Variants in AGBL1 observed in about 807,000 individuals in gnomAD.
The protein encoded by AGBL1 is cytosolic carboxypeptidase 4.
AGBL1 carries 130 observed loss-of-function variants against 118.9 expected under a neutral mutation model. The observed-to-expected ratio is 1.09, with a 90% CI of 0.95 to 1.26. The LOEUF (loss-of-function observed/expected upper bound fraction) is 1.26. Among genes scored for constraint, AGBL1 ranks in the 50% most tolerant of loss-of-function variants. The pLI is 0.00. For missense variants in AGBL1, 1,584 were observed against 1,298.1 expected, an observed-to-expected ratio of 1.22 and a Z score of -3.38; for synonymous variants, 555 against 478.9, an observed-to-expected ratio of 1.16 and a Z score of -2.08.
chr15:86,269,055 T>C (rs928845289), intron 13 of AGBL1, among the ~76,000 whole-genome samples: 1 of 152,146 alleles, frequency 6.6e-6, no homozygotes, highest in African/African-American at 2.4e-5. Context: ...TCTTTGGAGA[T>C]ATATAGTGAT....
At chr15:86,138,517 C>T (rs2076919340) in intron 1 of AGBL1, 1 of 152,208 alleles carries the variant, frequency 6.6e-6, no homozygotes, top group Non-Finnish European at 1.5e-5. Context: ...TGCTGTCATC[C>T]ATTTTTATCC....
chr15:86,863,550 A>C (rs1054989639), intron 22 of AGBL1, among the ~76,000 whole-genome samples: 1 of 151,920 alleles, frequency 6.6e-6, no homozygotes, highest in Admixed American at 6.6e-5. Flanking sequence ...AAAAAAAAAA[A>C]GCCCTCATTT....
chr15:86,188,600 G>A (rs1208045230), intron 5 of AGBL1, among the ~76,000 whole-genome samples: 1 of 152,208 alleles, frequency 6.6e-6, no homozygotes, highest in Non-Finnish European at 1.5e-5. Flanking sequence ...CTGAAAAGGG[G>A]TGTGATTTGC....
chr15:86,339,559 T>G (rs28636841), intron 17 of AGBL1, among the ~76,000 whole-genome samples: 4 of 152,200 alleles, frequency 2.6e-5, no homozygotes, highest in Admixed American at 1.3e-4. Context: ...TTGTTCAGAT[T>G]AGGTAATTTT....
intron 22 of AGBL1, among the ~76,000 whole-genome samples, chr15:86,738,997 T>A (rs2141230844): frequency 6.6e-6 from 1 of 151,816 alleles, no homozygotes; most frequent in African/African-American, 2.4e-5. Context: ...AATAAAAAAA[T>A]TAGCTGGGCA....
At chr15:86,783,220 A>G (rs1198159811) in intron 22 of AGBL1, among the ~76,000 whole-genome samples, 1 of 152,062 alleles carries the variant, frequency 6.6e-6, no homozygotes, top group Non-Finnish European at 1.5e-5. Flanking sequence ...ATCCATTTAG[A>G]TGCATGTTTA....
chr15:86,426,237 A>G (rs1309610025), intron 18 of AGBL1, among the ~76,000 whole-genome samples: 1 of 152,216 alleles, frequency 6.6e-6, no homozygotes, highest in Non-Finnish European at 1.5e-5. Context: ...ATACAAAGGA[A>G]TGTCAGCTTA....
chr15:86,520,540 C>G (rs2083175064), intron 18 of AGBL1, among the ~76,000 whole-genome samples: 1 of 152,180 alleles, frequency 6.6e-6, no homozygotes, highest in Admixed American at 6.5e-5. Flanking sequence ...ATACGTGAGC[C>G]TTCTCCATGT....
chr15:86,251,233 A>G (rs1469519054), intron 7 of AGBL1, among the ~76,000 whole-genome samples: 1 of 152,124 alleles, frequency 6.6e-6, no homozygotes, highest in Non-Finnish European at 1.5e-5. Flanking sequence ...TAAGTGTTGG[A>G]GCTAGGATTG....
chr15:86,730,311 A>T (rs1236258928), intron 22 of AGBL1, among the ~76,000 whole-genome samples: 1 of 152,222 alleles, frequency 6.6e-6, no homozygotes, highest in Non-Finnish European at 1.5e-5. Flanking sequence ...AACTATCAAC[A>T]GAGTCAACAG....
intron 23 of AGBL1, among the ~76,000 whole-genome samples, chr15:86,968,320 C>G (rs2081074750): frequency 6.6e-6 from 1 of 151,814 alleles, no homozygotes; most frequent in Non-Finnish European, 1.5e-5. Flanking sequence ...ATAATAGTCT[C>G]TATCTCATAG....
At chr15:86,843,894 C>CCAGCCCAGTTA (rs1555456212) in intron 22 of AGBL1, among the ~76,000 whole-genome samples, 273 of 152,228 alleles carry the variant, frequency 1.8e-3, no homozygotes, top group Middle Eastern at 3.4e-3. Flanking sequence ...TTAATCCTTC[C>CCAGCCCAGTTA]ACCCTCCTCT....
chr15:86,953,507 C>A (rs1401436673), intron 23 of AGBL1, among the ~76,000 whole-genome samples: 1 of 151,770 alleles, frequency 6.6e-6, no homozygotes, highest in Non-Finnish European at 1.5e-5. Context: ...CCTCCCACCT[C>A]AGCCTCCCAA....
At chr15:86,381,409 C>T (rs905837373) in intron 17 of AGBL1, among the ~76,000 whole-genome samples, 5 of 147,122 alleles carry the variant, frequency 3.4e-5, no homozygotes, top group African/African-American at 1.1e-4. Flanking sequence ...GGAGCTGATA[C>T]ACTTTTTTTT....
chr15:86,085,419 G>A (rs1158675198), intron 1 of AGBL1, among the ~76,000 whole-genome samples: 1 of 152,188 alleles, frequency 6.6e-6, no homozygotes, highest in Non-Finnish European at 1.5e-5. Flanking sequence ...TGAGTGGCAA[G>A]CTTCAGGTCC....
At chr15:86,398,238 C>T (rs886679238) in intron 18 of AGBL1, among the ~76,000 whole-genome samples, 5 of 152,086 alleles carry the variant, frequency 3.3e-5, no homozygotes, top group African/African-American at 1.2e-4. Context: ...TTGAAATGGA[C>T]CACATTCTCA....
chr15:86,789,452 T>C (rs974539285), intron 22 of AGBL1, among the ~76,000 whole-genome samples: 2 of 152,164 alleles, frequency 1.3e-5, no homozygotes, highest in African/African-American at 4.8e-5. Context: ...TTGCTGGAAA[T>C]TTCATGTGAG....
At chr15:86,852,821 G>T (rs374776301) in intron 22 of AGBL1, among the ~76,000 whole-genome samples, 3 of 152,302 alleles carry the variant, frequency 2.0e-5, no homozygotes, top group African/African-American at 4.8e-5. Flanking sequence ...CTATTGCAAA[G>T]GTTTGAAGCA....
intron 18 of AGBL1, among the ~76,000 whole-genome samples, chr15:86,432,313 G>T (rs750237681): frequency 4.6e-5 from 7 of 152,032 alleles, no homozygotes; most frequent in Non-Finnish European, 1.0e-4. Context: ...ATTACATTTG[G>T]TCCTCTCATC....
Sources: gnomAD v4.1 joint callset for allele counts (sites outside exome capture counted in the v4.1 genomes callset) on GRCh38, gnomAD v4.1.1 for gene constraint, MANE v1.5 for transcripts, NCBI Gene and HGNC (gene_info 2026-07-23, HGNC 2026-07-21) for gene names.